The following ANKS1B variants were observed in gnomAD, a reference collection of about 807,000 sequenced individuals.
ANKS1B encodes ankyrin repeat and sterile alpha motif domain-containing protein 1B.
ANKS1B carries 36 observed loss-of-function variants against 148.3 expected under a neutral mutation model. That is an observed-to-expected ratio of 0.24 (90% CI 0.19 to 0.32). The LOEUF is 0.32. ANKS1B is among the 10% of genes least tolerant of loss of function. The probability of loss-of-function intolerance (pLI) is 1.00; values close to 1 mark genes in which losing one functional copy is unlikely to be tolerated. For missense variants in ANKS1B, 1,157 were observed against 1,542.6 expected, an observed-to-expected ratio of 0.75 and a Z score of 4.19; for synonymous variants, 542 against 560.8, an observed-to-expected ratio of 0.97 and a Z score of 0.47.
At chr12:99,293,786 T>C (rs1200907805) in intron 12 of ANKS1B, among the ~76,000 whole-genome samples, 1 of 152,164 alleles carries the variant, frequency 6.6e-6, no homozygotes, top group African/African-American at 2.4e-5. Context: ...TGACAAGGAA[T>C]TAATAACCAA....
chr12:99,596,573 T>C (rs1260091743), intron 9 of ANKS1B, among the ~76,000 whole-genome samples: 5 of 151,954 alleles, frequency 3.3e-5, no homozygotes, highest in African/African-American at 1.2e-4. Flanking sequence ...TTTATGCTTA[T>C]TTCATGCAAT....
At chr12:99,342,997 C>G (rs1002362250) in intron 12 of ANKS1B, among the ~76,000 whole-genome samples, 1 of 151,774 alleles carries the variant, frequency 6.6e-6, no homozygotes. Flanking sequence ...TAGAAAAAAT[C>G]AAACTGCCCT....
At chr12:99,174,727 C>T (rs1266703548) in intron 14 of ANKS1B, among the ~76,000 whole-genome samples, 1 of 152,116 alleles carries the variant, frequency 6.6e-6, no homozygotes, top group African/African-American at 2.4e-5. Flanking sequence ...AATCAAGCTG[C>T]AACTGAAACT....
intron 17 of ANKS1B, among the ~76,000 whole-genome samples, chr12:98,853,456 G>A (rs2099543453): frequency 2.0e-5 from 3 of 152,168 alleles, no homozygotes; most frequent in Admixed American, 2.0e-4. Flanking sequence ...AGCATGCTGA[G>A]CAGAGGCTCT....
At chr12:99,102,424 T>A (rs937409195) in intron 15 of ANKS1B, among the ~76,000 whole-genome samples, 7 of 152,112 alleles carry the variant, frequency 4.6e-5, no homozygotes, top group Non-Finnish European at 1.0e-4. Context: ...TTCTTCTTCT[T>A]CTTCTTCTTC....
At chr12:99,054,538 GTTTTA>G (rs1367065278) in intron 16 of ANKS1B, among the ~76,000 whole-genome samples, 4 of 151,970 alleles carry the variant, frequency 2.6e-5, no homozygotes, top group South Asian at 2.1e-4. Context: ...AATGTTCTCT[GTTTTA>G]TTTTATTTTT....
chr12:98,912,380 C>A lies in ANKS1B; in HGVS notation c.2779-80244G>T, dbSNP rs147345495. ...CTAGTCATGTTTGTAAGCTTCCTCT[C>A]TTTCCATGCTAACTCCAGTTAATCC... On this transcript the variant is annotated intron_variant, in intron 17 of 26. Transcript: ENST00000683438. Among the ~76,000 whole-genome samples, 78 of 152,280 alleles carry A rather than the reference C, an allele frequency of 5.1e-4. 1 individual carries two copies. Among genetic ancestry groups the A allele is most frequent in the African/African-American group, 1.9e-3 (77 of 41,556 alleles).
chr12:98,756,259 A>C (rs2098239132), intron 25 of ANKS1B, among the ~76,000 whole-genome samples: 1 of 152,124 alleles, frequency 6.6e-6, no homozygotes, highest in African/African-American at 2.4e-5. Flanking sequence ...GATAGTGAAT[A>C]AGTCTCACAA....
At chr12:99,806,786 G>T in intron 3 of ANKS1B, 86 bp from the exon 4 acceptor site, 1 of 1,196,604 alleles carries the variant, frequency 8.4e-7, no homozygotes, top group Non-Finnish European at 1.2e-6. Context: ...AACCTGCAAT[G>T]CTTTGAAATG....
intron 15 of ANKS1B, among the ~76,000 whole-genome samples, chr12:99,135,984 G>A (rs545032892): frequency 1.3e-5 from 2 of 152,148 alleles, no homozygotes; most frequent in East Asian, 3.9e-4. Context: ...GAAAAATGTA[G>A]ATCAGAAAAA....
In ANKS1B at chr12:99,599,023, T is replaced by C. The variant is rs144100405; in HGVS notation, c.1272+56044A>G. Among the ~76,000 whole-genome samples, 206 of 152,168 alleles carry C rather than the reference T, an allele frequency of 1.4e-3. 1 individual carries two copies. Among genetic ancestry groups the C allele is most frequent in the African/African-American group, 4.8e-3 (200 of 41,534 alleles). Reference sequence around the variant, plus strand: ...AGCATCCCCTGGCTTGTAATCATATTGCACAATTTTTAAGTCTAGCATCTT... The same window carrying C: ...AGCATCCCCTGGCTTGTAATCATATCGCACAATTTTTAAGTCTAGCATCTT... On this transcript the variant is annotated intron_variant, in intron 9 of 26. Transcript: ENST00000683438.
intron 12 of ANKS1B, among the ~76,000 whole-genome samples, chr12:99,290,964 G>A (rs1390130281): frequency 6.6e-6 from 1 of 152,000 alleles, no homozygotes; most frequent in Non-Finnish European, 1.5e-5. Flanking sequence ...GCATTCAAAT[G>A]GGAAAGGAAG....
intron 1 of ANKS1B, among the ~76,000 whole-genome samples, chr12:99,974,653 C>G (rs985023248): frequency 2.6e-5 from 4 of 152,062 alleles, no homozygotes; most frequent in African/African-American, 9.7e-5. Flanking sequence ...AGGAGGATGG[C>G]TTGATCCCAG....
intron 16 of ANKS1B, among the ~76,000 whole-genome samples, chr12:99,076,317 AAG>A (rs1330287391): frequency 1.3e-5 from 2 of 152,184 alleles, no homozygotes; most frequent in East Asian, 3.8e-4. Flanking sequence ...GGGAAGGAAG[AAG>A]ATGAGAGAAT....
intron 12 of ANKS1B, among the ~76,000 whole-genome samples, chr12:99,385,231 G>A (rs2093811279): frequency 1.3e-5 from 2 of 152,202 alleles, no homozygotes; most frequent in Admixed American, 1.3e-4. Context: ...CACTTTGGGA[G>A]GCCGAGGCGG....
chr12:99,131,436 G>A (rs1487872838), intron 15 of ANKS1B, among the ~76,000 whole-genome samples: 2 of 152,190 alleles, frequency 1.3e-5, no homozygotes, highest in African/African-American at 4.8e-5. Flanking sequence ...GACAAAGTCT[G>A]AGGGTCCCAG....
Position 98,876,928 on chromosome 12 carries a change from G to T in ANKS1B, c.2779-44792C>A, listed in dbSNP as rs79686949. 6.3e-3 allele frequency among the ~76,000 whole-genome samples: 960 copies of T among 152,212 alleles called. 4 individuals carry two copies. The highest frequency in any genetic ancestry group is 0.016 in the South Asian group (75 of 4,818). On this transcript the variant is annotated intron_variant, in intron 17 of 26. Transcript: ENST00000683438. Reference sequence around the variant, plus strand: ...CTTTTGGAAGCAGCATTTTATACCAGGTATTTAAATCTATTTTCACTGTGA... The same window carrying T: ...CTTTTGGAAGCAGCATTTTATACCATGTATTTAAATCTATTTTCACTGTGA...
intron 11 of ANKS1B, among the ~76,000 whole-genome samples, chr12:99,425,315 A>G (rs377250466): frequency 2.0e-5 from 3 of 151,972 alleles, no homozygotes; most frequent in African/African-American, 7.2e-5. Flanking sequence ...AATAATTTTT[A>G]ATATTTTTAA....
At chr12:99,824,584 G>C (rs980361401) in intron 2 of ANKS1B, among the ~76,000 whole-genome samples, 90 of 152,120 alleles carry the variant, frequency 5.9e-4, no homozygotes, top group African/African-American at 2.1e-3. Context: ...ACAGAGACGA[G>C]GGGGAGATAA....
Sources: gnomAD v4.1 joint callset for allele counts (sites outside exome capture counted in the v4.1 genomes callset) on GRCh38, gnomAD v4.1.1 for gene constraint, MANE v1.5 for transcripts, NCBI Gene and HGNC (gene_info 2026-07-23, HGNC 2026-07-21) for gene names.